SCFD2: variants seen among roughly 807,000 people sequenced by gnomAD.
SCFD2 encodes sec1 family domain containing 2.
Under a neutral mutation model 58.9 loss-of-function variants are expected in SCFD2, and 54 were observed. The ratio of observed to expected loss-of-function variants is 0.92; its 90% CI spans 0.74 to 1.15. The LOEUF (loss-of-function observed/expected upper bound fraction) is 1.15, where lower values mean the gene tolerates loss of function less well. Among genes scored for constraint, SCFD2 ranks in the 50% most tolerant of loss-of-function variants. The pLI is 0.00. For missense variants in SCFD2, 805 were observed against 836.6 expected, an observed-to-expected ratio of 0.96 and a Z score of 0.47; for synonymous variants, 321 against 335.9, an observed-to-expected ratio of 0.96 and a Z score of 0.49.
chr4:53,187,468 AT>A (rs1727771495), intron 4 of SCFD2, among the ~76,000 whole-genome samples: 1 of 152,154 alleles, frequency 6.6e-6, no homozygotes, highest in Non-Finnish European at 1.5e-5. Context: ...AAATTGAGGC[AT>A]TTATACCAAG....
intron 2 of SCFD2, among the ~76,000 whole-genome samples, chr4:53,350,575 C>T (rs1734186619): frequency 6.6e-6 from 1 of 152,142 alleles, no homozygotes; most frequent in African/African-American, 2.4e-5. Flanking sequence ...ATGTTGAAAA[C>T]ATAGGACTCC....
intron 2 of SCFD2, among the ~76,000 whole-genome samples, chr4:53,341,939 C>T (rs1733890636): frequency 6.6e-6 from 1 of 152,196 alleles, no homozygotes; most frequent in African/African-American, 2.4e-5. Flanking sequence ...GTCTGCTTTA[C>T]AAGAGCTCCT....
intron 5 of SCFD2, among the ~76,000 whole-genome samples, chr4:53,019,156 C>A (rs1334433082): frequency 6.6e-6 from 1 of 151,966 alleles, no homozygotes; most frequent in Non-Finnish European, 1.5e-5. Flanking sequence ...AGGAAGTAAT[C>A]AAAGATAAGG....
chr4:53,146,968 A>C (rs1032642559), intron 4 of SCFD2, among the ~76,000 whole-genome samples: 1 of 152,208 alleles, frequency 6.6e-6, no homozygotes, highest in African/African-American at 2.4e-5. Context: ...TCCCATGCAG[A>C]TAAGCAGGGA....
chr4:53,002,779 G>C (rs1282643376), intron 5 of SCFD2, among the ~76,000 whole-genome samples: 1 of 152,158 alleles, frequency 6.6e-6, no homozygotes, highest in Non-Finnish European at 1.5e-5. Context: ...AGGAATATCT[G>C]AGCCTGGACA....
intron 4 of SCFD2, among the ~76,000 whole-genome samples, chr4:53,146,995 G>C (rs1726351757): frequency 6.6e-6 from 1 of 152,174 alleles, no homozygotes; most frequent in African/African-American, 2.4e-5. Flanking sequence ...TAGTATATTA[G>C]AGTAGTAAGT....
intron 5 of SCFD2, among the ~76,000 whole-genome samples, chr4:53,125,155 CAT>C (rs1188757362): frequency 1.3e-5 from 2 of 152,102 alleles, no homozygotes; most frequent in East Asian, 3.9e-4. Context: ...AAGGCAGTGA[CAT>C]ATGAGTTCCA....
chr4:53,106,274 C>T (rs750738309), intron 5 of SCFD2, among the ~76,000 whole-genome samples: 1 of 152,198 alleles, frequency 6.6e-6, no homozygotes, highest in Admixed American at 6.5e-5. Context: ...AAAACCAGCA[C>T]AAAAAGGCTG....
intron 5 of SCFD2, among the ~76,000 whole-genome samples, chr4:52,973,818 C>T (rs896844939): frequency 8.5e-5 from 13 of 152,190 alleles, no homozygotes; most frequent in African/African-American, 1.4e-4. Flanking sequence ...AGCTTATCCA[C>T]GATGATCAAG....
At chr4:52,926,246 C>CA (rs1719860072) in intron 5 of SCFD2, among the ~76,000 whole-genome samples, 1 of 151,996 alleles carries the variant, frequency 6.6e-6, no homozygotes, top group Non-Finnish European at 1.5e-5. Context: ...GCCACCTTTT[C>CA]ATAAGAACCT....
chr4:53,023,282 C>A (rs1230782602), intron 5 of SCFD2, among the ~76,000 whole-genome samples: 1 of 152,184 alleles, frequency 6.6e-6, no homozygotes, highest in Non-Finnish European at 1.5e-5. Context: ...TTGACATCTG[C>A]AATGGGTTGT....
chr4:53,339,838 C>T (rs1733807934), intron 2 of SCFD2, among the ~76,000 whole-genome samples: 1 of 151,908 alleles, frequency 6.6e-6, no homozygotes, highest in African/African-American at 2.4e-5. Context: ...AAGTAACTCA[C>T]AGAAAGACTG....
At chr4:53,331,475 A>G (rs549432006) in intron 2 of SCFD2, among the ~76,000 whole-genome samples, 1 of 152,246 alleles carries the variant, frequency 6.6e-6, no homozygotes, top group Admixed American at 6.5e-5. Context: ...TGGAAACTGA[A>G]TAACCTGCTC....
intron 5 of SCFD2, among the ~76,000 whole-genome samples, chr4:53,040,511 C>T (rs546720519): frequency 6.6e-6 from 1 of 152,198 alleles, no homozygotes; most frequent in South Asian, 2.1e-4. Flanking sequence ...ATGTGAGATT[C>T]CATATGCTTC....
intron 5 of SCFD2, among the ~76,000 whole-genome samples, chr4:52,951,441 T>C (rs1338426631): frequency 6.6e-6 from 1 of 152,194 alleles, no homozygotes; most frequent in African/African-American, 2.4e-5. Context: ...CTGGGAAATC[T>C]TTGAAAACTG....
At chr4:53,043,614 A>G (rs1288829273) in intron 5 of SCFD2, among the ~76,000 whole-genome samples, 1 of 152,174 alleles carries the variant, frequency 6.6e-6, no homozygotes, top group Non-Finnish European at 1.5e-5. Context: ...TAAAAATCCT[A>G]TCTTGTTGAA....
At chr4:53,178,255 G>A (rs1172805022) in intron 4 of SCFD2, among the ~76,000 whole-genome samples, 1 of 152,140 alleles carries the variant, frequency 6.6e-6, no homozygotes, top group Non-Finnish European at 1.5e-5. Context: ...CCCTCAGTAG[G>A]GGCAGACTGA....
rs763055052 is a variant in SCFD2, at chr4:53,273,988, C to T, written c.1149G>A (p.Pro383=). The T allele has an allele frequency of 1.4e-5, 23 of 1,609,256 alleles. No individual in the cohort carries two copies. In the East Asian group the frequency reaches 2.7e-4, roughly 19 times the overall value. Residue 383 remains proline, a synonymous_variant, in exon 4 of 9, where the codon CCG becomes CCA. Coordinates refer to ENST00000401642, the MANE Select transcript of SCFD2 (RefSeq NM_152540.4). ...GCTGAATATAGGACATGAGCTGTCC[C>T]GGTGTGACTCTCCCTGGAAACATAA... The part of the protein sequence containing the change: ...PIKMSMGRVT[P]GQLMSYIQLF...
intron 3 of SCFD2, among the ~76,000 whole-genome samples, chr4:53,280,282 G>A (rs1731469415): frequency 6.6e-6 from 1 of 152,180 alleles, no homozygotes; most frequent in African/African-American, 2.4e-5. Flanking sequence ...TTGGGAGGCT[G>A]AGGCAGGCAG....
Sources: allele counts gnomAD v4.1 joint callset (sites outside exome capture counted in the v4.1 genomes callset), GRCh38; gene constraint gnomAD v4.1.1; transcripts MANE v1.5; gene names NCBI Gene and HGNC (gene_info 2026-07-23, HGNC 2026-07-21).